The following KLHL42 variants were observed in gnomAD, a reference collection of about 807,000 sequenced individuals.
KLHL42 encodes the protein kelch like family member 42, also known as kelch-like protein 42.
In KLHL42, 27 loss-of-function variants were observed where a neutral mutation model predicts 32.7. The observed-to-expected ratio is 0.83, with a 90% CI of 0.61 to 1.14. The LOEUF is 1.14. KLHL42 is among the 50% of genes most tolerant of loss of function. The probability of loss-of-function intolerance (pLI) is 0.00; values close to 1 mark genes in which losing one functional copy is unlikely to be tolerated. For synonymous variants in KLHL42, 267 were observed against 248.2 expected (o/e 1.08, Z -0.71); for missense variants, 491 against 560.8 (o/e 0.88, Z 1.26).
chr12:27,797,855 C>G lies in KLHL42; in HGVS notation c.1207C>G (p.Leu403Val), dbSNP rs774436275. 20 of 780,122 alleles carry G rather than the reference C, an allele frequency of 2.6e-5. No homozygotes were observed. Among genetic ancestry groups the G allele is most frequent in the Non-Finnish European group, 4.1e-5 (17 of 417,484 alleles). 48.3% of individuals were successfully genotyped at this position (780,122 alleles called of 1,614,324 possible). ...IYIVGGCLHE[L>V]GPNRRSSQSE... The stretch of plus-strand genomic sequence containing the variant: ...CATCGTGGGGGGGTGTCTCCACGAG[C>G]TGGGGCCCAACCGCAGGAGCAGCCA... Residue 403 changes from leucine (L) to valine (V), a missense_variant, in exon 3 of 3, where the codon CTG becomes GTG. Physicochemically the swap from Leu to Val is conservative, Grantham distance 32. Transcript: ENST00000381271.
In KLHL42 at chr12:27,791,397, T is replaced by C. The variant is rs572421551; in HGVS notation, c.873-311T>C. Among the ~76,000 whole-genome samples the C allele has an allele frequency of 3.9e-5, 6 of 152,224 alleles. 1 individual carries two copies. In the Middle Eastern group the frequency reaches 0.02, roughly 518 times the overall value. On this transcript the variant is annotated intron_variant, in intron 1 of 2. Transcript: ENST00000381271. ...CCTTGTGCCTGCCCCTGAAAGAAAG[T>C]GTGGAGTTTAGTGTATACACATTGT... is the stretch of plus-strand genomic sequence containing the variant.
chr12:27,795,925 C>T (rs760293640), intron 2 of KLHL42, among the ~76,000 whole-genome samples: 2 of 152,114 alleles, frequency 1.3e-5, no homozygotes, highest in Non-Finnish European at 2.9e-5. Flanking sequence ...GAAAGACCTT[C>T]GGGCCTGGAG....
In KLHL42 at chr12:27,801,200, GC is replaced by G. The variant is rs1338228979; in HGVS notation, c.*3036del. 7.0e-6 allele frequency: 1 copy of G among 142,084 alleles called. No individual in the cohort carries two copies. Among genetic ancestry groups the G allele is most frequent in the African/African-American group, 2.8e-5 (1 of 35,846 alleles). 8.8% of individuals were successfully genotyped at this position (142,084 alleles called of 1,614,324 possible). ...TGAGAACCAAAGAGAATTTAACCCT[GC>G]CATTTTTTTTTTTTTAACACCAAGA... On this transcript the variant is annotated 3_prime_UTR_variant, in exon 3 of 3. Transcript: ENST00000381271.
At chr12:27,784,430 G>A (rs952931814) in intron 1 of KLHL42, among the ~76,000 whole-genome samples, 1 of 151,826 alleles carries the variant, frequency 6.6e-6, no homozygotes, top group Non-Finnish European at 1.5e-5. Context: ...GTGAGCCACC[G>A]CGCCCAGCTG....
At chr12:27,796,416 A>T (rs1041630356) in intron 2 of KLHL42, among the ~76,000 whole-genome samples, 1 of 152,198 alleles carries the variant, frequency 6.6e-6, no homozygotes, top group African/African-American at 2.4e-5. Flanking sequence ...TGTCTCCTTC[A>T]TGGATAGGAT....
chr12:27,783,719 C>T (rs1306942622), intron 1 of KLHL42, among the ~76,000 whole-genome samples: 3 of 152,094 alleles, frequency 2.0e-5, no homozygotes, highest in African/African-American at 7.2e-5. Flanking sequence ...GGAGCTGGGA[C>T]TACAGGCGCC....
chr12:27,786,637 T>C (rs1361069108), intron 1 of KLHL42, among the ~76,000 whole-genome samples: 2 of 151,926 alleles, frequency 1.3e-5, no homozygotes, highest in Non-Finnish European at 1.5e-5. Context: ...AGGGGTCAAA[T>C]GTAGAGCAGT....
intron 2 of KLHL42, among the ~76,000 whole-genome samples, chr12:27,794,562 G>C (rs529466442): frequency 6.6e-6 from 1 of 152,260 alleles, no homozygotes; most frequent in Non-Finnish European, 1.5e-5. Context: ...CACAGTCATA[G>C]CTCATTGCAG....
intron 1 of KLHL42, 32 bp from the exon 2 acceptor site, chr12:27,791,676 T>C (rs754490343): frequency 1.3e-6 from 2 of 1,563,716 alleles, no homozygotes; most frequent in Admixed American, 3.3e-5. Context: ...TCAGAAGAAC[T>C]AACTCTGTGG....
intron 1 of KLHL42, 35 bp from the exon 2 acceptor site, chr12:27,791,673 A>G: frequency 1.9e-6 from 3 of 1,546,428 alleles, no homozygotes; most frequent in Non-Finnish European, 2.7e-6. Context: ...TGATCAGAAG[A>G]ACTAACTCTG....
chr12:27,782,541 A>G (rs2140811514), intron 1 of KLHL42, among the ~76,000 whole-genome samples: 1 of 152,300 alleles, frequency 6.6e-6, no homozygotes, highest in East Asian at 1.9e-4. Flanking sequence ...AATTCTATGC[A>G]CTGTAATTGA....
chr12:27,786,944 C>T (rs539839477), intron 1 of KLHL42, among the ~76,000 whole-genome samples: 2 of 151,684 alleles, frequency 1.3e-5, no homozygotes, highest in Admixed American at 6.6e-5. Flanking sequence ...CCAGGATGGT[C>T]TCGATCTCCT....
rs139676281 is a variant in KLHL42, at chr12:27,780,721, C to T, written c.391C>T (p.Leu131=). The change falls in exon 1 of 3, where the codon CTG becomes TTG. Residue 131 remains leucine, a synonymous_variant. Transcript: ENST00000381271. This position sits in a 1 kb window ranked among gnomAD's most constrained non-coding sequence, Gnocchi z 8.8. ...GTCCCAGGTGCGGCTCAATAACTGC[C>T]TGGAGATGTACCGCCTGGCGCAGGT... ...LLSQVRLNNC[L]EMYRLAQVYG... The T allele has an allele frequency of 3.1e-4, 503 of 1,613,182 alleles. 1 individual carries two copies. In the African/African-American group the frequency reaches 5.8e-3, roughly 19 times the overall value.
rs1394341334 is a variant in KLHL42, at chr12:27,791,795, G to A, written c.960G>A (p.Glu320=). The change falls in exon 2 of 3, where the codon GAG becomes GAA. Residue 320 remains glutamate, a synonymous_variant. Coordinates refer to ENST00000381271, the MANE Select transcript of KLHL42 (RefSeq NM_020782.2). ...AVSNVECYNP[E]QDAWNFVAPL... Reference sequence around the variant, plus strand: ...CTAACGTTGAGTGTTACAACCCCGAGCAGGATGCGTGGAATTTTGTGGCGC... The same window carrying A: ...CTAACGTTGAGTGTTACAACCCCGAACAGGATGCGTGGAATTTTGTGGCGC... 9 of 1,614,184 alleles carry A rather than the reference G, an allele frequency of 5.6e-6. No homozygotes were observed. The highest frequency in any genetic ancestry group is 1.6e-4 in the Middle Eastern group (1 of 6,062).
At position 27,780,439 on chromosome 12, in the gene KLHL42, G is replaced by T. The variant is rs756540876; in HGVS notation, c.109G>T (p.Gly37Cys). The change falls in exon 1 of 3, where the codon GGC becomes TGC. Residue 37 changes from glycine to cysteine, a missense_variant. Physicochemically the swap from Gly to Cys is radical, Grantham distance 159. Coordinates refer to ENST00000381271, the MANE Select transcript of KLHL42 (RefSeq NM_020782.2). This position sits in a 1 kb window ranked among gnomAD's most constrained non-coding sequence, Gnocchi z 8.8. ...CTACTTCCGCGCCCTCTACCGCTCC[G>T]GCATGCGCGAGGCCCTGAGCCAGGA... ...SDYFRALYRS[G>C]MREALSQEAG... 1 of 1,549,746 alleles carries T rather than the reference G, an allele frequency of 6.5e-7. No individual in the cohort carries two copies. The highest frequency in any genetic ancestry group is 8.7e-7 in the Non-Finnish European group (1 of 1,148,750).
rs1213064479 is a variant in KLHL42 at position 27,780,500 on chromosome 12, T to A, written c.170T>A (p.Leu57His). 6.5e-7 allele frequency: 1 copy of A among 1,541,942 alleles called. No individual in the cohort carries two copies. The highest frequency in any genetic ancestry group is 2.5e-5 in the East Asian group (1 of 39,732). The change falls in exon 1 of 3, where the codon CTC becomes CAC. Residue 57 changes from leucine (L) to histidine (H), a missense_variant. Leu to His is a moderately conservative substitution (Grantham distance 99). Around this residue, in one of 4 missense-constraint regions of KLHL42, gnomAD observed 88 missense variants for 89.0 expected, o/e 0.99. Coordinates refer to ENST00000381271, the MANE Select transcript of KLHL42 (RefSeq NM_020782.2). The surrounding 1 kb of genome is among the most constrained non-coding windows in gnomAD (Gnocchi z 8.8). ...GGPEVQQLRGLSAPGLRLVLD... is the reference protein window; with the variant it reads ...GGPEVQQLRGHSAPGLRLVLD... ...CCGGAGGTGCAGCAGCTGCGCGGCCTCAGCGCGCCGGGCCTGCGGCTGGTG... is the reference window on the plus strand; with the variant it reads ...CCGGAGGTGCAGCAGCTGCGCGGCCACAGCGCGCCGGGCCTGCGGCTGGTG...
At chr12:27,796,637 C>G (rs1437390809) in intron 2 of KLHL42, among the ~76,000 whole-genome samples, 1 of 148,968 alleles carries the variant, frequency 6.7e-6, no homozygotes, top group Non-Finnish European at 1.5e-5. Flanking sequence ...AAGAAAATTA[C>G]TTTTTTTTTT....
chr12:27,787,039 A>G (rs2062175437), intron 1 of KLHL42, among the ~76,000 whole-genome samples: 1 of 152,058 alleles, frequency 6.6e-6, no homozygotes, highest in South Asian at 2.1e-4. Flanking sequence ...GAGAGATTTT[A>G]TAAAGCCTTC....
At position 27,801,585 on chromosome 12, in the gene KLHL42, TG is replaced by T. The variant is rs1231171356; in HGVS notation, c.*3420del. 6.6e-6 allele frequency: 1 copy of T among 152,230 alleles called. No homozygotes were observed. Among genetic ancestry groups the T allele is most frequent in the East Asian group, 1.9e-4 (1 of 5,202 alleles). 9.4% of individuals were successfully genotyped at this position (152,230 alleles called of 1,614,324 possible). The stretch of plus-strand genomic sequence containing the variant: ...AGGAATGGGGAATATATAACACCTG[TG>T]CCACCGCTCTTTTAAGGAGGCATTA... On this transcript the variant is annotated 3_prime_UTR_variant, in exon 3 of 3. Coordinates refer to ENST00000381271, the MANE Select transcript of KLHL42 (RefSeq NM_020782.2).
Sources: gnomAD v4.1 joint callset for allele counts (sites outside exome capture counted in the v4.1 genomes callset) on GRCh38, gnomAD v4.1.1 for gene constraint, gnomAD v4.1.1 regional missense constraint, Gnocchi (gnomAD v3.1) non-coding constraint, MANE v1.5 for transcripts, NCBI Gene and HGNC (gene_info 2026-07-23, HGNC 2026-07-21) for gene names.